Variants in CTNNA2 observed in about 807,000 individuals in gnomAD.
The protein encoded by CTNNA2 is catenin alpha-2.
A neutral mutation model predicts 101.0 loss-of-function variants in CTNNA2; 42 were observed. The observed-to-expected ratio is 0.42, with a 90% CI of 0.32 to 0.54. CTNNA2 has a LOEUF of 0.54. Ranked by LOEUF, CTNNA2 falls within the 20% of genes least tolerant of loss-of-function variation. CTNNA2 has a pLI of 0.14. For synonymous variants in CTNNA2, 450 were observed against 456.4 expected (o/e 0.99, Z 0.18); for missense variants, 871 against 1,223.1 (o/e 0.71, Z 4.29).
intron 6 of CTNNA2, among the ~76,000 whole-genome samples, chr2:79,878,729 T>C (rs1683205058): frequency 6.6e-6 from 1 of 152,206 alleles, no homozygotes; most frequent in African/African-American, 2.4e-5. Context: ...TATTAGACTT[T>C]TGTCAGATGA....
chr2:80,522,102 G>T (rs1689609217), intron 9 of CTNNA2, among the ~76,000 whole-genome samples: 1 of 152,196 alleles, frequency 6.6e-6, no homozygotes, highest in Non-Finnish European at 1.5e-5. Context: ...TGGATCCTGT[G>T]TTTCTCTTAA....
rs185971322 is a variant in CTNNA2, at chr2:80,527,345, T to A, written c.1291-17637T>A. 2.7e-3 allele frequency among the ~76,000 whole-genome samples: 415 copies of A among 152,294 alleles called. 1 individual carries two copies. Among genetic ancestry groups the A allele is most frequent in the Non-Finnish European group, 4.5e-3 (309 of 68,028 alleles). ...TGTGGTAGGCCTGTGAGTCTCAGACTTGAGCATGCTTTGGAGCCACCAGAA... is the reference window on the plus strand; with the variant it reads ...TGTGGTAGGCCTGTGAGTCTCAGACATGAGCATGCTTTGGAGCCACCAGAA... On this transcript the variant is annotated intron_variant, in intron 9 of 18. Coordinates refer to ENST00000402739, the MANE Select transcript of CTNNA2 (RefSeq NM_001282597.3).
At chr2:80,133,164 G>T (rs1017191167) in intron 7 of CTNNA2, among the ~76,000 whole-genome samples, 1 of 152,138 alleles carries the variant, frequency 6.6e-6, no homozygotes, top group Non-Finnish European at 1.5e-5. Flanking sequence ...GCAGGGAAGA[G>T]ATGGCCTTGT....
At chr2:80,193,673 GT>G (rs1396174009) in intron 7 of CTNNA2, among the ~76,000 whole-genome samples, 1 of 152,136 alleles carries the variant, frequency 6.6e-6, no homozygotes, top group Non-Finnish European at 1.5e-5. Flanking sequence ...TGGGTCTTGG[GT>G]TTTCTCATTA....
At chr2:79,560,664 T>G (rs148541516) in intron 1 of CTNNA2, among the ~76,000 whole-genome samples, 1 of 152,038 alleles carries the variant, frequency 6.6e-6, no homozygotes, top group Non-Finnish European at 1.5e-5. Flanking sequence ...AGCAGATTTC[T>G]TAAGCCTCTA....
intron 3 of CTNNA2, among the ~76,000 whole-genome samples, chr2:79,850,117 G>T (rs958420003): frequency 3.3e-5 from 5 of 150,570 alleles, no homozygotes; most frequent in Admixed American, 6.6e-5. Flanking sequence ...AATAATTGGA[G>T]AAGTGTCTTT....
At chr2:79,480,613 C>A (rs1671098525) in intron 4 of CTNNA2, among the ~76,000 whole-genome samples, 1 of 152,102 alleles carries the variant, frequency 6.6e-6, no homozygotes, top group Non-Finnish European at 1.5e-5. Context: ...TAATATCTTT[C>A]TGAATTCTTA....
intron 1 of CTNNA2, among the ~76,000 whole-genome samples, chr2:79,618,386 C>T (rs1402031883): frequency 4.6e-5 from 7 of 152,122 alleles, no homozygotes; most frequent in East Asian, 1.9e-4. Context: ...ATTGGATTGG[C>T]TCCTTCTGGC....
chr2:79,862,598 T>G (rs1405245621), intron 4 of CTNNA2, among the ~76,000 whole-genome samples: 1 of 152,210 alleles, frequency 6.6e-6, no homozygotes, highest in African/African-American at 2.4e-5. Flanking sequence ...TTCATGCAGC[T>G]GCATTGTTCA....
chr2:79,465,505 C>G (rs1237927202), intron 4 of CTNNA2, among the ~76,000 whole-genome samples: 2 of 151,956 alleles, frequency 1.3e-5, no homozygotes, highest in East Asian at 3.9e-4. Flanking sequence ...GTATTTTTTT[C>G]CAATTCTGTG....
intron 3 of CTNNA2, among the ~76,000 whole-genome samples, chr2:79,338,944 G>A (rs1040270744): frequency 6.6e-6 from 1 of 152,120 alleles, no homozygotes; most frequent in African/African-American, 2.4e-5. Flanking sequence ...TTGAGGGACA[G>A]GTCATGAATT....
At chr2:80,103,446 C>G (rs72924679) in intron 7 of CTNNA2, among the ~76,000 whole-genome samples, 19,467 of 152,174 alleles carry the variant, frequency 0.13, 1,512 homozygotes, top group South Asian at 0.31. Context: ...TTTATAAGCC[C>G]TGTCCCTAAA....
intron 7 of CTNNA2, among the ~76,000 whole-genome samples, chr2:80,359,977 A>T (rs1573835470): frequency 6.6e-6 from 1 of 152,110 alleles, no homozygotes; most frequent in South Asian, 2.1e-4. Context: ...AAATTTGGGG[A>T]TAACTAACAT....
At chr2:80,099,490 AATTTC>A (rs1643338333) in intron 7 of CTNNA2, among the ~76,000 whole-genome samples, 1 of 152,158 alleles carries the variant, frequency 6.6e-6, no homozygotes. Context: ...TGAAGCAACC[AATTTC>A]ATTCATCCTG....
At chr2:79,772,855 A>G (rs1225210921) in intron 3 of CTNNA2, among the ~76,000 whole-genome samples, 1 of 152,206 alleles carries the variant, frequency 6.6e-6, no homozygotes, top group Non-Finnish European at 1.5e-5. Context: ...TACATACCTA[A>G]TGATTAGCAC....
rs184095045 is a variant in CTNNA2 at position 79,212,556 on chromosome 2, A to G, written c.-406+14480A>G. ...TCCTGAAGACTGAGGACTGTAAGGG[A>G]TATAAAGGTTTCACTGAATACTAAG... On this transcript the variant is annotated intron_variant, in intron 2 of 21. Coordinates refer to the CTNNA2 transcript ENST00000466387. 1.7e-3 allele frequency among the ~76,000 whole-genome samples: 252 copies of G among 152,258 alleles called. 1 individual carries two copies. Among genetic ancestry groups the G allele is most frequent in the South Asian group, 5.8e-3 (28 of 4,822 alleles).
At chr2:79,711,615 A>G (rs1384954000) in intron 2 of CTNNA2, among the ~76,000 whole-genome samples, 1 of 152,164 alleles carries the variant, frequency 6.6e-6, no homozygotes, top group Non-Finnish European at 1.5e-5. Flanking sequence ...ATATACAAAT[A>G]AGGTAGAAAG....
intron 7 of CTNNA2, among the ~76,000 whole-genome samples, chr2:80,388,094 T>C (rs900700111): frequency 8.5e-5 from 13 of 152,206 alleles, no homozygotes; most frequent in Non-Finnish European, 5.9e-5. Flanking sequence ...ATTTTACTGG[T>C]AGCCTTTGAA....
At chr2:80,523,793 TCA>T (rs1292032303) in intron 9 of CTNNA2, among the ~76,000 whole-genome samples, 2 of 152,168 alleles carry the variant, frequency 1.3e-5, no homozygotes, top group Admixed American at 6.5e-5. Context: ...AGGCAAGTCT[TCA>T]CAGAGGACAA....
Sources: allele counts gnomAD v4.1 joint callset (sites outside exome capture counted in the v4.1 genomes callset), GRCh38; gene constraint gnomAD v4.1.1; transcripts MANE v1.5; gene names NCBI Gene and HGNC (gene_info 2026-07-23, HGNC 2026-07-21).